Variants in ANKS1A observed in about 807,000 individuals in gnomAD.
ANKS1A encodes ankyrin repeat and sterile alpha motif domain containing 1A.
ANKS1A carries 55 observed loss-of-function variants against 120.3 expected under a neutral mutation model. The ratio of observed to expected loss-of-function variants is 0.46; its 90% CI spans 0.37 to 0.57. The LOEUF is 0.57. Among genes scored for constraint, ANKS1A ranks in the 20% least tolerant of loss-of-function variants. The pLI, the probability that ANKS1A is intolerant of heterozygous loss-of-function variation, is 0.00. For synonymous variants in ANKS1A, 590 were observed against 604.7 expected, an observed-to-expected ratio of 0.98 and a Z score of 0.36; for missense variants, 1,123 against 1,480.3, an observed-to-expected ratio of 0.76 and a Z score of 3.96.
rs1772741205 is a variant in ANKS1A at position 34,994,434 on chromosome 6, A to G, written c.1423+12A>G. 2 of 1,609,492 alleles carry G rather than the reference A, an allele frequency of 1.2e-6. No individual in the cohort carries two copies. Among genetic ancestry groups the G allele is most frequent in the Non-Finnish European group, 8.5e-7 (1 of 1,176,952 alleles). On this transcript the variant is annotated intron_variant, in intron 10 of 23. Coordinates refer to ENST00000360359, the MANE Select transcript of ANKS1A (RefSeq NM_015245.3). The stretch of plus-strand genomic sequence containing the variant: ...TGGAAAAACAAAAGGTACGTTCCCC[A>G]CAACTCCTGGCAGAACCAACTCCAA...
Position 35,090,104 on chromosome 6 carries a change from A to T in ANKS1A, c.*1495A>T. 1 of 1,288,982 alleles carries T rather than the reference A, an allele frequency of 7.8e-7. No individual in the cohort carries two copies. The highest frequency in any genetic ancestry group is 1.0e-6 in the Non-Finnish European group (1 of 988,618). The allele number at this position is 1,288,982 out of a possible 1,614,324, so 79.8% of individuals were successfully genotyped here. On this transcript the variant is annotated 3_prime_UTR_variant, in exon 24 of 24. Transcript: ENST00000360359. ...CCTTGTGGGTTTCTATCTGCTAAGC[A>T]CCCAGCAGGTTGGGGCCTGGGACTC...
At chr6:34,901,431 T>A (rs1428932151) in intron 1 of ANKS1A, among the ~76,000 whole-genome samples, 2 of 152,196 alleles carry the variant, frequency 1.3e-5, no homozygotes, top group African/African-American at 4.8e-5. Flanking sequence ...AATCCTTCAA[T>A]ACAGGTATTA....
chr6:34,985,522 C>T (rs1056631963), intron 8 of ANKS1A, among the ~76,000 whole-genome samples: 1 of 152,184 alleles, frequency 6.6e-6, no homozygotes, highest in African/African-American at 2.4e-5. Flanking sequence ...CAGCTTGCAT[C>T]TTTACGTGAC....
chr6:35,074,424 AC>A (rs1283203840), intron 13 of ANKS1A, among the ~76,000 whole-genome samples: 1 of 146,722 alleles, frequency 6.8e-6, no homozygotes, highest in Admixed American at 6.9e-5. Flanking sequence ...ACATAGTGAG[AC>A]CCCATCTCTA....
Position 34,936,489 on chromosome 6 carries a change from A to G in ANKS1A, c.198-30750A>G, listed in dbSNP as rs78909438. Among the ~76,000 whole-genome samples the G allele has an allele frequency of 2.8e-4, 43 of 152,302 alleles. No individual in the cohort carries two copies. The East Asian group carries it at 7.7e-3, about 27-fold the overall frequency. ...TGAGGTCATTATCTTTAGATTTTCT[A>G]TATTCCTTCCAGGCTGAGGGAAACA... On this transcript the variant is annotated intron_variant, in intron 1 of 23. Coordinates refer to ENST00000360359, the MANE Select transcript of ANKS1A (RefSeq NM_015245.3).
chr6:34,921,777 AG>A (rs1768443803), intron 1 of ANKS1A, among the ~76,000 whole-genome samples: 2 of 152,244 alleles, frequency 1.3e-5, no homozygotes, highest in African/African-American at 4.8e-5. Context: ...AGCTTACTGC[AG>A]CCTCGAACTC....
chr6:34,990,831 A>AG (rs1451016356), intron 9 of ANKS1A, among the ~76,000 whole-genome samples: 1 of 152,202 alleles, frequency 6.6e-6, no homozygotes, highest in Non-Finnish European at 1.5e-5. Flanking sequence ...CAGTTGGAAC[A>AG]GCATAGTCAG....
In ANKS1A at chr6:35,086,308, C is replaced by T; in HGVS notation, c.3303+372C>T. ...CCGATAGTCGCTGTTGTTACTGTCACACCTGCACCACCCACCGTCCTTCCT... is the reference window on the plus strand; with the variant it reads ...CCGATAGTCGCTGTTGTTACTGTCATACCTGCACCACCCACCGTCCTTCCT... On this transcript the variant is annotated intron_variant, in intron 22 of 23. Transcript: ENST00000360359. The surrounding 1 kb of genome is among the most constrained non-coding windows in gnomAD (Gnocchi z 5.1). The T allele has an allele frequency of 1.5e-6, 2 of 1,308,144 alleles. No homozygotes were observed. Among genetic ancestry groups the T allele is most frequent in the Non-Finnish European group, 2.0e-6 (2 of 1,001,634 alleles). The allele number at this position is 1,308,144 out of a possible 1,614,324, so 81.0% of individuals were successfully genotyped here.
At chr6:35,095,829 A>C (rs1778456115), downstream of ANKS1A, among the ~76,000 whole-genome samples, 1 of 152,168 alleles carries the variant, frequency 6.6e-6, no homozygotes, top group Admixed American at 6.6e-5. Context: ...GTCCAACCCC[A>C]AACTGGCCCC....
At chr6:35,002,974 C>G (rs1414080656) in intron 10 of ANKS1A, among the ~76,000 whole-genome samples, 1 of 147,316 alleles carries the variant, frequency 6.8e-6, no homozygotes, top group Non-Finnish European at 1.5e-5. Flanking sequence ...AGACGGCTCC[C>G]ACTAGGCTAT....
chr6:35,048,515 G>A (rs1775824724), intron 11 of ANKS1A, among the ~76,000 whole-genome samples: 1 of 152,112 alleles, frequency 6.6e-6, no homozygotes, highest in Non-Finnish European at 1.5e-5. Context: ...AGTTGACAAG[G>A]TTAGAAAATC....
chr6:35,097,023 G>A, the ANKS1A span, among the ~76,000 whole-genome samples: 5 of 137,198 alleles, frequency 3.6e-5, no homozygotes, highest in Non-Finnish European at 7.9e-5. Context: ...TCTTCTAATG[G>A]CATTCCAGCC....
chr6:35,083,831 C>CT (rs1777816413), intron 20 of ANKS1A, among the ~76,000 whole-genome samples: 1 of 152,176 alleles, frequency 6.6e-6, no homozygotes, highest in Admixed American at 6.5e-5. Flanking sequence ...TCCCACCTTC[C>CT]TGACACCCTT....
rs1776435898 is a variant in ANKS1A at position 35,060,315 on chromosome 6, C to T, written c.2184+62C>T. Reference sequence around the variant, plus strand: ...GCTCAGTGGAAACAGGCCTCCCTGGCCTCCCCTCTGGCCCCACAGGAGTCT... The same window carrying T: ...GCTCAGTGGAAACAGGCCTCCCTGGTCTCCCCTCTGGCCCCACAGGAGTCT... On this transcript the variant is annotated intron_variant, in intron 13 of 23. Coordinates refer to ENST00000360359, the MANE Select transcript of ANKS1A (RefSeq NM_015245.3). This position sits in a 1 kb window ranked among gnomAD's most constrained non-coding sequence, Gnocchi z 4.5. 1.4e-6 allele frequency: 2 copies of T among 1,446,142 alleles called. No individual in the cohort carries two copies. The highest frequency in any genetic ancestry group is 2.4e-5 in the East Asian group (1 of 42,526). The allele number at this position is 1,446,142 out of a possible 1,614,324, so 89.6% of individuals were successfully genotyped here.
chr6:35,079,998 T>A, intron 16 of ANKS1A, 70 bp downstream of exon 16: 2 of 1,499,254 alleles, frequency 1.3e-6, no homozygotes, highest in Non-Finnish European at 1.8e-6. Context: ...ATAGAATTCT[T>A]TAGGATTCTT....
intron 15 of ANKS1A, 68 bp from the exon 16 acceptor site, chr6:35,079,753 G>A: frequency 1.2e-6 from 2 of 1,610,816 alleles, no homozygotes; most frequent in Non-Finnish European, 1.7e-6. Context: ...GGAAGATGCT[G>A]GGGGCTGGAG....
At chr6:34,970,526 C>T (rs1393108746) in intron 3 of ANKS1A, among the ~76,000 whole-genome samples, 1 of 152,172 alleles carries the variant, frequency 6.6e-6, no homozygotes, top group African/African-American at 2.4e-5. Context: ...TGTAAAACGG[C>T]AAAGTAACAT....
chr6:34,986,645 T>G (rs1191941742), intron 8 of ANKS1A, among the ~76,000 whole-genome samples: 1 of 152,216 alleles, frequency 6.6e-6, no homozygotes, highest in African/African-American at 2.4e-5. Context: ...TCTTAGAGTG[T>G]TCTTTTTCAT....
chr6:35,088,654 G>A lies in ANKS1A; in HGVS notation c.*45G>A, dbSNP rs753547853. ...GTGCTGCGGAAACATAGACGTGGGG[G>A]CATAGGCTCCCACTGCCACCACCGC... On this transcript the variant is annotated 3_prime_UTR_variant, in exon 24 of 24. Transcript: ENST00000360359. The A allele has an allele frequency of 1.9e-5, 30 of 1,614,022 alleles. No individual in the cohort carries two copies. The highest frequency in any genetic ancestry group is 2.5e-5 in the Non-Finnish European group (29 of 1,180,032).
Sources: gnomAD v4.1 joint callset for allele counts (sites outside exome capture counted in the v4.1 genomes callset) on GRCh38, gnomAD v4.1.1 for gene constraint, Gnocchi (gnomAD v3.1) non-coding constraint, MANE v1.5 for transcripts, NCBI Gene and HGNC (gene_info 2026-07-23, HGNC 2026-07-21) for gene names.